PDE3A: variants seen among roughly 807,000 people sequenced by gnomAD.
The protein encoded by PDE3A is cGMP-inhibited 3',5'-cyclic phosphodiesterase 3A.
In PDE3A, 43 loss-of-function variants were observed where a neutral mutation model predicts 98.3. The ratio of observed to expected loss-of-function variants is 0.44; its 90% CI spans 0.34 to 0.56. PDE3A has a LOEUF of 0.56. Ranked by LOEUF, PDE3A falls within the 20% of genes least tolerant of loss-of-function variation. The probability of loss-of-function intolerance (pLI) is 0.01; values close to 1 mark genes in which losing one functional copy is unlikely to be tolerated. For synonymous variants in PDE3A, 663 were observed against 567.9 expected (o/e 1.17, Z -2.38); for missense variants, 1,427 against 1,440.7 (o/e 0.99, Z 0.15).
chr12:20,539,678 TC>T (rs1331868969), intron 1 of PDE3A, among the ~76,000 whole-genome samples: 1 of 152,036 alleles, frequency 6.6e-6, no homozygotes, highest in Admixed American at 6.6e-5. Flanking sequence ...ACAGAAAGTG[TC>T]CTGAGGAAGT....
At chr12:20,659,635 CTA>C (rs1033192090) in intron 15 of PDE3A, among the ~76,000 whole-genome samples, 1 of 152,022 alleles carries the variant, frequency 6.6e-6, no homozygotes, top group African/African-American at 2.4e-5. Context: ...CAGGACCTCA[CTA>C]TGTTTCCCAG....
intron 2 of PDE3A, among the ~76,000 whole-genome samples, chr12:20,579,976 CA>C (rs1198479381): frequency 2.6e-5 from 4 of 152,050 alleles, no homozygotes; most frequent in African/African-American, 9.7e-5. Flanking sequence ...AAGAAAATTA[CA>C]AAAACTTTAG....
chr12:20,655,864 G>A (rs1292444524), intron 15 of PDE3A, among the ~76,000 whole-genome samples: 1 of 152,174 alleles, frequency 6.6e-6, no homozygotes, highest in Admixed American at 6.5e-5. Flanking sequence ...AATTATCCAA[G>A]TGAGAGATGC....
chr12:20,660,208 G>T (rs1354915176), intron 15 of PDE3A, among the ~76,000 whole-genome samples: 1 of 152,190 alleles, frequency 6.6e-6, no homozygotes, highest in East Asian at 1.9e-4. Flanking sequence ...TGTGAAGAAG[G>T]ATGTTTGCTT....
intron 15 of PDE3A, among the ~76,000 whole-genome samples, chr12:20,675,523 T>C (rs963681458): frequency 6.6e-6 from 1 of 152,228 alleles, no homozygotes; most frequent in Non-Finnish European, 1.5e-5. Flanking sequence ...TCCTCAACTA[T>C]TTTTGTGTTG....
At chr12:20,627,181 C>T (rs1944284768) in intron 5 of PDE3A, among the ~76,000 whole-genome samples, 1 of 149,494 alleles carries the variant, frequency 6.7e-6, no homozygotes, top group Non-Finnish European at 1.5e-5. Flanking sequence ...AGAAAACTGT[C>T]CCAAAACTCA....
intron 1 of PDE3A, among the ~76,000 whole-genome samples, chr12:20,453,068 T>C (rs1272023888): frequency 1.3e-5 from 2 of 152,176 alleles, no homozygotes; most frequent in Admixed American, 1.3e-4. Context: ...ACACCACTGT[T>C]TTGAATCTGT....
chr12:20,669,514 T>A (rs1375149513), intron 15 of PDE3A, among the ~76,000 whole-genome samples: 1 of 151,882 alleles, frequency 6.6e-6, no homozygotes, highest in East Asian at 1.9e-4. Flanking sequence ...GCAGAAACCC[T>A]ACAAGCCAGA....
chr12:20,459,744 G>A (rs1003895302), intron 1 of PDE3A, among the ~76,000 whole-genome samples: 6 of 152,146 alleles, frequency 3.9e-5, no homozygotes, highest in African/African-American at 1.2e-4. Context: ...GAGTTATAAC[G>A]GTTTTATTGT....
At position 20,575,830 on chromosome 12, in the gene PDE3A, A is replaced by G. The variant is rs117122282; in HGVS notation, c.1011+19120A>G. Among the ~76,000 whole-genome samples, 276 of 152,034 alleles carry G rather than the reference A, an allele frequency of 1.8e-3. 6 individuals carry two copies. The East Asian group carries it at 0.049, about 27-fold the overall frequency. On this transcript the variant is annotated intron_variant, in intron 2 of 15. Coordinates refer to ENST00000359062, the MANE Select transcript of PDE3A (RefSeq NM_000921.5). ...AGCTCAAGTTACAGATTCTAATCTG[A>G]TAATTTTTAGTTTCTTATGCACCTG...
intron 1 of PDE3A, among the ~76,000 whole-genome samples, chr12:20,419,733 A>G (rs929481123): frequency 2.5e-5 from 2 of 78,528 alleles, no homozygotes; most frequent in South Asian, 5.8e-4. Flanking sequence ...TAAATTTAAT[A>G]TTGTATTTTT....
chr12:20,539,454 T>C (rs1023581693), intron 1 of PDE3A, among the ~76,000 whole-genome samples: 5 of 152,242 alleles, frequency 3.3e-5, no homozygotes, highest in African/African-American at 1.2e-4. Flanking sequence ...CGAACTGTAA[T>C]GAAATAATTA....
chr12:20,526,674 A>C, intron 1 of PDE3A, among the ~76,000 whole-genome samples: 1 of 151,994 alleles, frequency 6.6e-6, no homozygotes, highest in South Asian at 2.1e-4. Flanking sequence ...TTGAAAAGTG[A>C]ATGGATGCCA....
At chr12:20,657,712 G>C (rs377501313) in intron 15 of PDE3A, among the ~76,000 whole-genome samples, 1 of 152,082 alleles carries the variant, frequency 6.6e-6, no homozygotes, top group African/African-American at 2.4e-5. Flanking sequence ...TCTAATCTAC[G>C]CAAATTTATT....
intron 1 of PDE3A, among the ~76,000 whole-genome samples, chr12:20,381,444 A>T (rs1451951420): frequency 6.6e-6 from 1 of 151,868 alleles, no homozygotes; most frequent in Admixed American, 6.6e-5. Context: ...GCATAATATT[A>T]GTGCATGTAA....
At chr12:20,457,675 A>G (rs1945175453) in intron 1 of PDE3A, among the ~76,000 whole-genome samples, 1 of 151,812 alleles carries the variant, frequency 6.6e-6, no homozygotes, top group South Asian at 2.1e-4. Flanking sequence ...AGTAAGGGTT[A>G]ATCTACTTTT....
chr12:20,418,583 A>T (rs1252020688), intron 1 of PDE3A, among the ~76,000 whole-genome samples: 2 of 152,222 alleles, frequency 1.3e-5, no homozygotes, highest in Admixed American at 1.3e-4. Context: ...TTTTAACCAC[A>T]GAATGTCAAG....
At position 20,369,151 on chromosome 12, in the gene PDE3A, A is replaced by C; in HGVS notation, c.-134A>C. 3.8e-6 allele frequency: 2 copies of C among 525,346 alleles called. No individual in the cohort carries two copies. Among genetic ancestry groups the C allele is most frequent in the Non-Finnish European group, 3.1e-6 (1 of 322,874 alleles). The allele number at this position is 525,346 out of a possible 1,614,324, so 32.5% of individuals were successfully genotyped here. Reference sequence around the variant, plus strand: ...TCAGTGGATTGTGGGCCTGGGGAGAAGAAGGATTCCGAGGGTGGAATTGGG... The same window carrying C: ...TCAGTGGATTGTGGGCCTGGGGAGACGAAGGATTCCGAGGGTGGAATTGGG... On this transcript the variant is annotated 5_prime_UTR_variant, in exon 1 of 16. Transcript: ENST00000359062.
intron 1 of PDE3A, among the ~76,000 whole-genome samples, chr12:20,446,821 C>T (rs1944963805): frequency 6.6e-6 from 1 of 152,030 alleles, no homozygotes; most frequent in Non-Finnish European, 1.5e-5. Context: ...CAGGGAGACA[C>T]AAACTGATAA....
Sources: allele counts gnomAD v4.1 joint callset (sites outside exome capture counted in the v4.1 genomes callset), GRCh38; gene constraint gnomAD v4.1.1; transcripts MANE v1.5; gene names NCBI Gene and HGNC (gene_info 2026-07-23, HGNC 2026-07-21).